Variants in DGKI observed in about 807,000 individuals in gnomAD.
The protein encoded by DGKI is diacylglycerol kinase iota.
Under a neutral mutation model 147.5 loss-of-function variants are expected in DGKI, and 55 were observed. The ratio of observed to expected loss-of-function variants is 0.37; its 90% CI spans 0.30 to 0.47. The LOEUF (loss-of-function observed/expected upper bound fraction) is 0.47. DGKI is among the 20% of genes least tolerant of loss of function. The pLI is 1.00. For synonymous variants in DGKI, 469 were observed against 477.1 expected, an observed-to-expected ratio of 0.98 and a Z score of 0.22; for missense variants, 1,007 against 1,323.8, an observed-to-expected ratio of 0.76 and a Z score of 3.71.
chr7:137,397,393 T>C lies in DGKI; in HGVS notation c.2941A>G (p.Met981Val), dbSNP rs1303316040. 6.2e-7 allele frequency: 1 copy of C among 1,613,474 alleles called. No individual in the cohort carries two copies. The highest frequency in any genetic ancestry group is 8.5e-7 in the Non-Finnish European group (1 of 1,179,874). ...AACACTCACGTTTCACTGTCTGCCATATCCAATAACTCGGAAGGTCCTAAA... is the reference window on the plus strand; with the variant it reads ...AACACTCACGTTTCACTGTCTGCCACATCCAATAACTCGGAAGGTCCTAAA... ...LDHGPSELLD[M>V]ADSETGETAL... The change falls in exon 31 of 33, where the codon ATG (methionine) becomes GTG (valine). Residue 981 changes from methionine to valine, a missense_variant. Coordinates refer to ENST00000614521, the MANE Select transcript of DGKI (RefSeq NM_001321708.2).
chr7:137,722,852 A>C, intron 1 of DGKI: 1 of 1,068,196 alleles, frequency 9.4e-7, no homozygotes, highest in Non-Finnish European at 1.4e-6. Flanking sequence ...TTGGTGTTCT[A>C]AATGTCTTAA....
At chr7:137,529,786 C>T (rs182046904) in intron 20 of DGKI, among the ~76,000 whole-genome samples, 1 of 152,202 alleles carries the variant, frequency 6.6e-6, no homozygotes, top group East Asian at 1.9e-4. Context: ...GCTCTTGTCG[C>T]CCACCCAGGC....
At chr7:137,772,231 A>C (rs2116853836) in intron 1 of DGKI, 1 of 152,238 alleles carries the variant, frequency 6.6e-6, no homozygotes, top group East Asian at 1.9e-4. Flanking sequence ...TTTTAAAACA[A>C]AAGGCTGAAT....
At chr7:137,685,852 G>A (rs955825307) in intron 2 of DGKI, among the ~76,000 whole-genome samples, 3 of 152,098 alleles carry the variant, frequency 2.0e-5, no homozygotes, top group Non-Finnish European at 2.9e-5. Context: ...GGATTAAAAC[G>A]GCATAAATCC....
intron 5 of DGKI, among the ~76,000 whole-genome samples, chr7:137,648,859 T>C: frequency 6.6e-6 from 1 of 152,314 alleles, no homozygotes. Flanking sequence ...ATTTAAAAAT[T>C]ATTATTTAAA....
intron 12 of DGKI, among the ~76,000 whole-genome samples, chr7:137,594,934 A>G (rs1186834020): frequency 3.9e-5 from 6 of 152,232 alleles, no homozygotes; most frequent in African/African-American, 1.4e-4. Flanking sequence ...AGATGTTACC[A>G]CTGACAAAAA....
chr7:137,825,734 A>T (rs1798041009), intron 1 of DGKI, among the ~76,000 whole-genome samples: 1 of 151,818 alleles, frequency 6.6e-6, no homozygotes, highest in Non-Finnish European at 1.5e-5. Flanking sequence ...ACACACACTC[A>T]GTGGTAGGCA....
At chr7:137,821,017 A>C (rs1797882257) in intron 1 of DGKI, among the ~76,000 whole-genome samples, 1 of 152,176 alleles carries the variant, frequency 6.6e-6, no homozygotes, top group African/African-American at 2.4e-5. Context: ...GCACCTCATT[A>C]GCAACAGCCT....
At chr7:137,589,138 T>C (rs945589404) in intron 12 of DGKI, among the ~76,000 whole-genome samples, 5 of 152,208 alleles carry the variant, frequency 3.3e-5, no homozygotes, top group African/African-American at 1.2e-4. Flanking sequence ...CATTGCTTAA[T>C]CAAATTCAGT....
intron 1 of DGKI, among the ~76,000 whole-genome samples, chr7:137,715,954 G>A (rs775493027): frequency 5.9e-5 from 9 of 152,280 alleles, no homozygotes; most frequent in East Asian, 1.9e-4. Flanking sequence ...GGGCTGTGAC[G>A]GTGAATGCCT....
In DGKI at chr7:137,598,310, C is replaced by A. The variant is rs146054271; in HGVS notation, c.1251-403G>T. Among the ~76,000 whole-genome samples, 356 of 152,094 alleles carry A rather than the reference C, an allele frequency of 2.3e-3. 2 individuals carry two copies. Among genetic ancestry groups the A allele is most frequent in the African/African-American group, 8.4e-3 (347 of 41,512 alleles). ...TGATAATCAGTAGTCCTTATATATC[C>A]CCTCTTTATATTTATTAGTTTTCCC... On this transcript the variant is annotated intron_variant, in intron 11 of 32. Transcript: ENST00000614521.
Position 137,590,898 on chromosome 7 carries a change from G to T in DGKI, c.1312-3688C>A, listed in dbSNP as rs1027749224. ...TGTAGAGATGGGGGCGGCTTTTGCC[G>T]TATTGCCCAGGCTGCCCCCAAACTC... is the stretch of plus-strand genomic sequence containing the variant. On this transcript the variant is annotated intron_variant, in intron 12 of 32. Transcript: ENST00000614521. 2.6e-5 allele frequency among the ~76,000 whole-genome samples: 4 copies of T among 152,284 alleles called. No individual in the cohort carries two copies. The East Asian group carries it at 7.7e-4, about 29-fold the overall frequency.
At chr7:137,673,034 G>A (rs778105399) in intron 3 of DGKI, among the ~76,000 whole-genome samples, 2 of 151,840 alleles carry the variant, frequency 1.3e-5, no homozygotes, top group African/African-American at 2.4e-5. Flanking sequence ...CACCTGCCTC[G>A]GCCTCCCAAA....
chr7:137,727,603 C>G (rs1309682983), intron 1 of DGKI, among the ~76,000 whole-genome samples: 1 of 152,130 alleles, frequency 6.6e-6, no homozygotes, highest in Non-Finnish European at 1.5e-5. Flanking sequence ...AGGGGAAGAA[C>G]CCGAATGACT....
intron 17 of DGKI, among the ~76,000 whole-genome samples, chr7:137,576,011 T>C (rs1818957741): frequency 6.6e-6 from 1 of 151,870 alleles, no homozygotes; most frequent in South Asian, 2.1e-4. Flanking sequence ...TTTGTTCTGT[T>C]CTCTCTTGTC....
At chr7:137,465,450 C>T (rs529528122) in intron 26 of DGKI, among the ~76,000 whole-genome samples, 2 of 152,108 alleles carry the variant, frequency 1.3e-5, no homozygotes, top group African/African-American at 2.4e-5. Flanking sequence ...CACTATGAAG[C>T]GGTGGTAGAA....
chr7:137,400,024 C>G (rs1193425722), intron 30 of DGKI, among the ~76,000 whole-genome samples: 1 of 152,152 alleles, frequency 6.6e-6, no homozygotes, highest in Non-Finnish European at 1.5e-5. Context: ...GTGTCCTATT[C>G]TCTGTCCTGA....
At chr7:137,605,145 T>C (rs1176732309) in intron 10 of DGKI, among the ~76,000 whole-genome samples, 1 of 151,766 alleles carries the variant, frequency 6.6e-6, no homozygotes, top group Non-Finnish European at 1.5e-5. Context: ...CCGTCTCTAC[T>C]AAAAATACAG....
intron 1 of DGKI, among the ~76,000 whole-genome samples, chr7:137,805,039 TG>T (rs1477516251): frequency 2.0e-5 from 3 of 152,246 alleles, no homozygotes; most frequent in Non-Finnish European, 4.4e-5. Context: ...TATACATCCC[TG>T]TCATTAAGAA....
Sources: allele counts gnomAD v4.1 joint callset (sites outside exome capture counted in the v4.1 genomes callset), GRCh38; gene constraint gnomAD v4.1.1; transcripts MANE v1.5; gene names NCBI Gene and HGNC (gene_info 2026-07-23, HGNC 2026-07-21).